LPP: variants seen among roughly 807,000 people sequenced by gnomAD.
The protein encoded by LPP is LIM domain containing preferred translocation partner in lipoma, also known as lipoma-preferred partner.
Under a neutral mutation model 60.4 loss-of-function variants are expected in LPP, and 38 were observed. That is an observed-to-expected ratio of 0.63 (90% CI 0.49 to 0.83). The LOEUF (loss-of-function observed/expected upper bound fraction) is 0.83, where lower values mean the gene tolerates loss of function less well. Among genes scored for constraint, LPP ranks in the 40% least tolerant of loss-of-function variants. The pLI is 0.00. For missense variants in LPP, 902 were observed against 783.6 expected, an observed-to-expected ratio of 1.15 and a Z score of -1.80; for synonymous variants, 328 against 290.8, an observed-to-expected ratio of 1.13 and a Z score of -1.30.
intron 9 of LPP, among the ~76,000 whole-genome samples, chr3:188,803,327 T>C (rs1233260912): frequency 6.6e-6 from 1 of 152,186 alleles, no homozygotes; most frequent in African/African-American, 2.4e-5. Flanking sequence ...GCCACTATGC[T>C]CAACTTGTTG....
chr3:188,641,463 G>A (rs1049753264), intron 7 of LPP, among the ~76,000 whole-genome samples: 2 of 152,132 alleles, frequency 1.3e-5, no homozygotes, highest in Non-Finnish European at 2.9e-5. Context: ...ATCAGTAAGA[G>A]AGGCAAGCAC....
chr3:188,604,275 G>C (rs1272668502), intron 6 of LPP, among the ~76,000 whole-genome samples: 2 of 151,988 alleles, frequency 1.3e-5, no homozygotes, highest in Non-Finnish European at 2.9e-5. Flanking sequence ...GGGATTTGTG[G>C]TATTGTGTTT....
intron 3 of LPP, among the ~76,000 whole-genome samples, chr3:188,369,394 T>A (rs1772325929): frequency 6.6e-6 from 1 of 151,968 alleles, no homozygotes; most frequent in South Asian, 2.1e-4. Context: ...AAGCTGCACC[T>A]CTCTGCCAAC....
intron 6 of LPP, among the ~76,000 whole-genome samples, chr3:188,546,807 C>T (rs1329161751): frequency 1.3e-5 from 2 of 152,184 alleles, no homozygotes; most frequent in African/African-American, 2.4e-5. Flanking sequence ...AGGAAATCCA[C>T]AGTCACTTGT....
intron 3 of LPP, among the ~76,000 whole-genome samples, chr3:188,392,859 A>G (rs1780027912): frequency 1.3e-5 from 2 of 152,168 alleles, no homozygotes; most frequent in South Asian, 4.1e-4. Context: ...TTAATAGGCC[A>G]TAAAAGAACC....
intron 4 of LPP, among the ~76,000 whole-genome samples, chr3:188,424,192 A>G (rs1578788676): frequency 6.6e-6 from 1 of 152,006 alleles, no homozygotes; most frequent in East Asian, 1.9e-4. Context: ...AGTTTTCCAA[A>G]CAGCATTTAT....
At chr3:188,458,413 T>G (rs931718726) in intron 4 of LPP, among the ~76,000 whole-genome samples, 4 of 152,212 alleles carry the variant, frequency 2.6e-5, no homozygotes, top group Non-Finnish European at 5.9e-5. Context: ...TTGAGATGCA[T>G]TATCTTTCTT....
intron 3 of LPP, among the ~76,000 whole-genome samples, chr3:188,388,675 A>G (rs532767456): frequency 6.6e-6 from 1 of 152,380 alleles, no homozygotes; most frequent in South Asian, 2.1e-4. Flanking sequence ...AGTATGTTTC[A>G]CAATAAACCC....
chr3:188,560,986 T>C (rs1579964534), intron 6 of LPP, among the ~76,000 whole-genome samples: 1 of 152,160 alleles, frequency 6.6e-6, no homozygotes, highest in African/African-American at 2.4e-5. Flanking sequence ...GTTACATAGC[T>C]TGGATTTCAA....
intron 2 of LPP, among the ~76,000 whole-genome samples, chr3:188,282,447 G>C (rs765159038): frequency 3.9e-5 from 6 of 152,180 alleles, no homozygotes; most frequent in Non-Finnish European, 5.9e-5. Flanking sequence ...AGGTTGGCTT[G>C]TGTACACATG....
chr3:188,201,753 C>T (rs147119951), intron 1 of LPP, among the ~76,000 whole-genome samples: 5 of 152,168 alleles, frequency 3.3e-5, no homozygotes, highest in East Asian at 1.9e-4. Flanking sequence ...GTTGTCCCAA[C>T]GACTGGAGAT....
At chr3:188,486,110 A>G (rs1323033398) in intron 5 of LPP, among the ~76,000 whole-genome samples, 1 of 152,170 alleles carries the variant, frequency 6.6e-6, no homozygotes, top group Non-Finnish European at 1.5e-5. Context: ...TGATATAGGC[A>G]TACAGTCTTT....
chr3:188,659,121 A>G (rs1036577708), intron 7 of LPP, among the ~76,000 whole-genome samples: 1 of 152,220 alleles, frequency 6.6e-6, no homozygotes, highest in African/African-American at 2.4e-5. Flanking sequence ...ATCTTGATGC[A>G]TTCTTTATGG....
chr3:188,414,930 C>G (rs888334977), intron 4 of LPP, among the ~76,000 whole-genome samples: 1 of 152,008 alleles, frequency 6.6e-6, no homozygotes, highest in South Asian at 2.1e-4. Flanking sequence ...CTAATATACC[C>G]GAACAAAGTG....
chr3:188,227,459 A>C (rs564268735), intron 2 of LPP, among the ~76,000 whole-genome samples: 1 of 150,730 alleles, frequency 6.6e-6, no homozygotes, highest in South Asian at 2.1e-4. Context: ...TGTTGTTCAT[A>C]AGCTAAATAT....
At chr3:188,553,823 G>C (rs1328592983) in intron 6 of LPP, 1 of 152,228 alleles carries the variant, frequency 6.6e-6, no homozygotes, top group Non-Finnish European at 1.5e-5. Context: ...AACCTCAAAG[G>C]AGATGGTGTC....
chr3:188,181,323 A>C, intron 1 of LPP, among the ~76,000 whole-genome samples: 1 of 149,160 alleles, frequency 6.7e-6, no homozygotes, highest in African/African-American at 2.5e-5. Context: ...ACTGCACTCC[A>C]GCCTGGGTGA....
intron 6 of LPP, among the ~76,000 whole-genome samples, chr3:188,594,703 A>G (rs774118209): frequency 2.0e-5 from 3 of 152,172 alleles, no homozygotes; most frequent in Non-Finnish European, 2.9e-5. Flanking sequence ...GAAAAATCCA[A>G]TGTGTTCTCT....
At chr3:188,546,744 A>G (rs1305405012) in intron 6 of LPP, among the ~76,000 whole-genome samples, 1 of 152,192 alleles carries the variant, frequency 6.6e-6, no homozygotes, top group African/African-American at 2.4e-5. Flanking sequence ...GATCTATTCA[A>G]TCAATTAACT....
Sources: gnomAD v4.1 joint callset for allele counts (sites outside exome capture counted in the v4.1 genomes callset) on GRCh38, gnomAD v4.1.1 for gene constraint, MANE v1.5 for transcripts, NCBI Gene and HGNC (gene_info 2026-07-23, HGNC 2026-07-21) for gene names.